The following AGAP1 variants were observed in gnomAD, a reference collection of about 807,000 sequenced individuals.
The protein encoded by AGAP1 is arf-GAP with GTPase, ANK repeat and PH domain-containing protein 1.
A neutral mutation model predicts 105.3 loss-of-function variants in AGAP1; 29 were observed. That is an observed-to-expected ratio of 0.28 (90% confidence interval 0.21 to 0.38). AGAP1 has a LOEUF of 0.38. Ranked by LOEUF, AGAP1 falls within the 10% of genes least tolerant of loss-of-function variation. AGAP1 has a pLI of 1.00. For synonymous variants in AGAP1, 509 were observed against 485.9 expected, an observed-to-expected ratio of 1.05 and a Z score of -0.63; for missense variants, 998 against 1,165.1, an observed-to-expected ratio of 0.86 and a Z score of 2.09.
intron 16 of AGAP1, among the ~76,000 whole-genome samples, chr2:236,074,480 C>CAA (rs1425186279): frequency 5.9e-5 from 9 of 152,164 alleles, no homozygotes; most frequent in Admixed American, 5.9e-4. Flanking sequence ...TTTTTACAAG[C>CAA]TTAAGCTCAG....
chr2:235,666,290 G>T (rs2149346822), intron 1 of AGAP1, among the ~76,000 whole-genome samples: 1 of 152,108 alleles, frequency 6.6e-6, no homozygotes, highest in Non-Finnish European at 1.5e-5. Flanking sequence ...AAAAGCCACA[G>T]GAAAATAAAG....
chr2:235,596,606 C>T lies in AGAP1; in HGVS notation c.163+101757C>T, dbSNP rs189994061. On this transcript the variant is annotated intron_variant, in intron 1 of 17. Transcript: ENST00000304032. The surrounding 1 kb of genome is among the most constrained non-coding windows in gnomAD (Gnocchi z 5.9). ...GGGTTCCTGGTTGCAGGTGCTGTGT[C>T]ATCGTATGGCTGTATTTGAGGGGAT... 1.3e-5 allele frequency among the ~76,000 whole-genome samples: 2 copies of T among 152,276 alleles called. No homozygotes were observed. Among genetic ancestry groups the T allele is most frequent in the Admixed American group, 1.3e-4 (2 of 15,294 alleles).
rs1486351431 is a variant in AGAP1 at position 235,889,267 on chromosome 2, C to T, written c.1155+5818C>T. Reference sequence around the variant, plus strand: ...TTGAAACTGTGGCTTCAGAACAAAGCAGCCAGTCATGAAACTGGGGAAACC... The same window carrying T: ...TTGAAACTGTGGCTTCAGAACAAAGTAGCCAGTCATGAAACTGGGGAAACC... On this transcript the variant is annotated intron_variant, in intron 10 of 17. Coordinates refer to ENST00000304032, the MANE Select transcript of AGAP1 (RefSeq NM_001037131.3). This position sits in a 1 kb window ranked among gnomAD's most constrained non-coding sequence, Gnocchi z 4.6. Among the ~76,000 whole-genome samples, 1 of 152,178 alleles carries T rather than the reference C, an allele frequency of 6.6e-6. No individual in the cohort carries two copies. Among genetic ancestry groups the T allele is most frequent in the African/African-American group, 2.4e-5 (1 of 41,440 alleles).
chr2:235,899,170 A>T (rs2050943986), intron 10 of AGAP1, among the ~76,000 whole-genome samples: 1 of 152,208 alleles, frequency 6.6e-6, no homozygotes, highest in South Asian at 2.1e-4. Context: ...ATGATGTAGC[A>T]ATCGATATTC....
chr2:235,512,331 T>G (rs1016608502), intron 1 of AGAP1, among the ~76,000 whole-genome samples: 1 of 152,208 alleles, frequency 6.6e-6, no homozygotes, highest in African/African-American at 2.4e-5. Context: ...GTGCATTGGC[T>G]CACACCTGTG....
intron 12 of AGAP1, among the ~76,000 whole-genome samples, chr2:235,956,053 A>T (rs1296406899): frequency 6.6e-6 from 1 of 152,216 alleles, no homozygotes; most frequent in Non-Finnish European, 1.5e-5. Context: ...GATTTAATTG[A>T]GTTTTCTGCA....
chr2:236,043,342 G>A (rs554414518), intron 15 of AGAP1, among the ~76,000 whole-genome samples: 2 of 152,258 alleles, frequency 1.3e-5, no homozygotes, highest in East Asian at 1.9e-4. Context: ...GCTTTACATG[G>A]CAAAAAATCA....
intron 16 of AGAP1, among the ~76,000 whole-genome samples, chr2:236,118,534 C>T (rs2059826560): frequency 1.3e-5 from 2 of 151,788 alleles, no homozygotes; most frequent in Admixed American, 1.3e-4. Flanking sequence ...GGATTACAGG[C>T]GCCTGCCACC....
chr2:235,874,402 A>G lies in AGAP1; in HGVS notation c.1051-8943A>G, dbSNP rs993905203. On this transcript the variant is annotated intron_variant, in intron 9 of 17. Coordinates refer to ENST00000304032, the MANE Select transcript of AGAP1 (RefSeq NM_001037131.3). This position sits in a 1 kb window ranked among gnomAD's most constrained non-coding sequence, Gnocchi z 4.5. ...GAGGGTACCTGGTGATGTAGAAGGA[A>G]GTTGGCTTAACTGGGGGCGCTGCAG... 6.6e-6 allele frequency among the ~76,000 whole-genome samples: 1 copy of G among 152,176 alleles called. No individual in the cohort carries two copies. Among genetic ancestry groups the G allele is most frequent in the African/African-American group, 2.4e-5 (1 of 41,444 alleles).
At chr2:235,909,284 C>T (rs1329027552) in intron 11 of AGAP1, among the ~76,000 whole-genome samples, 1 of 152,136 alleles carries the variant, frequency 6.6e-6, no homozygotes, top group Non-Finnish European at 1.5e-5. Context: ...AAAAACCATT[C>T]GGAGCAAGAT....
chr2:235,886,023 A>G (rs955991130), intron 10 of AGAP1, among the ~76,000 whole-genome samples: 3 of 152,156 alleles, frequency 2.0e-5, no homozygotes, highest in East Asian at 3.9e-4. Context: ...GCATCTCTCC[A>G]GGACTGCCCC....
chr2:236,015,689 A>G (rs1335800115), intron 13 of AGAP1, among the ~76,000 whole-genome samples: 1 of 152,190 alleles, frequency 6.6e-6, no homozygotes, highest in African/African-American at 2.4e-5. Context: ...GCAGGTCACA[A>G]TCCAGCGATC....
chr2:235,823,555 G>T (rs913102584), intron 9 of AGAP1, among the ~76,000 whole-genome samples: 77 of 152,198 alleles, frequency 5.1e-4, no homozygotes, highest in African/African-American at 1.7e-4. Context: ...CCCAGGAAGG[G>T]TAAAGAGCTT....
intron 1 of AGAP1, among the ~76,000 whole-genome samples, chr2:235,650,497 T>G (rs1947546115): frequency 6.6e-6 from 1 of 152,176 alleles, no homozygotes; most frequent in South Asian, 2.1e-4. Flanking sequence ...TATATGTTAG[T>G]TGAGCATGCT....
intron 1 of AGAP1, among the ~76,000 whole-genome samples, chr2:235,607,498 A>AGGAGCCCGTTGGCCTGGGT (rs984413935): frequency 5.9e-5 from 9 of 152,258 alleles, no homozygotes; most frequent in East Asian, 1.9e-4. Flanking sequence ...CGGCCTTGCC[A>AGGAGCCCGTTGGCCTGGGT]GGAGCCCGTT....
In AGAP1 at chr2:235,799,194, ACT is replaced by A. The variant is rs1484964240; in HGVS notation, c.802-170_802-169del. 6.6e-6 allele frequency among the ~76,000 whole-genome samples: 1 copy of A among 152,054 alleles called. No individual in the cohort carries two copies. The highest frequency in any genetic ancestry group is 2.4e-5 in the African/African-American group (1 of 41,370). On this transcript the variant is annotated intron_variant, in intron 7 of 17. Transcript: ENST00000304032. This position sits in a 1 kb window ranked among gnomAD's most constrained non-coding sequence, Gnocchi z 5.0. The stretch of plus-strand genomic sequence containing the variant: ...GATGATTGGCATGTTCCAGGATGAG[ACT>A]CTGTAGACATGACACTAATACACCT...
chr2:235,674,543 A>G (rs1429636488), intron 1 of AGAP1, among the ~76,000 whole-genome samples: 1 of 152,210 alleles, frequency 6.6e-6, no homozygotes, highest in East Asian at 1.9e-4. Context: ...GATTACAGTA[A>G]TAAAGTGATT....
chr2:235,852,745 C>T, intron 9 of AGAP1: 2 of 1,540,132 alleles, frequency 1.3e-6, no homozygotes, highest in Non-Finnish European at 1.8e-6. Flanking sequence ...CTGCTGGAGC[C>T]CGTGCCCGTC....
rs1036237503 is a variant in AGAP1 at position 236,131,211 on chromosome 2, T to C, written c.*7089T>C. Reference sequence around the variant, plus strand: ...CACCTGAGCGCTGGGGAGGCCCTTATTGAGCTCAGCCTGGAGAGGGGAGGG... The same window carrying C: ...CACCTGAGCGCTGGGGAGGCCCTTACTGAGCTCAGCCTGGAGAGGGGAGGG... On this transcript the variant is annotated 3_prime_UTR_variant, in exon 18 of 18. Coordinates refer to ENST00000304032, the MANE Select transcript of AGAP1 (RefSeq NM_001037131.3). The surrounding 1 kb of genome is among the most constrained non-coding windows in gnomAD (Gnocchi z 5.9). 5 of 152,230 alleles carry C rather than the reference T, an allele frequency of 3.3e-5. No individual in the cohort carries two copies. Among genetic ancestry groups the C allele is most frequent in the South Asian group, 4.1e-4 (2 of 4,826 alleles). 9.4% of individuals were successfully genotyped at this position (152,230 alleles called of 1,614,324 possible).
Sources: gnomAD v4.1 joint callset for allele counts (sites outside exome capture counted in the v4.1 genomes callset) on GRCh38, gnomAD v4.1.1 for gene constraint, Gnocchi (gnomAD v3.1) non-coding constraint, MANE v1.5 for transcripts, NCBI Gene and HGNC (gene_info 2026-07-23, HGNC 2026-07-21) for gene names.